Variants in CFAP65 observed in about 807,000 individuals in gnomAD.
The protein encoded by CFAP65 is cilia and flagella associated protein 65.
A neutral mutation model predicts 208.0 loss-of-function variants in CFAP65; 155 were observed. The observed-to-expected ratio is 0.75, with a 90% CI of 0.65 to 0.85. CFAP65 has a LOEUF of 0.85. CFAP65 is among the 40% of genes least tolerant of loss of function. The pLI is 0.00. For missense variants in CFAP65, 2,294 were observed against 2,451.3 expected (o/e 0.94, Z 1.36); for synonymous variants, 970 against 986.3 (o/e 0.98, Z 0.31).
intron 29 of CFAP65, among the ~76,000 whole-genome samples, chr2:219,008,389 A>G (rs1228622696): frequency 6.6e-6 from 1 of 152,170 alleles, no homozygotes; most frequent in Non-Finnish European, 1.5e-5. Context: ...TAACTCCAGG[A>G]ATGAAACCTG....
intron 4 of CFAP65, 127 bp from the exon 5 acceptor site, chr2:219,035,791 CG>C: frequency 6.9e-7 from 1 of 1,448,520 alleles, no homozygotes; most frequent in Non-Finnish European, 9.0e-7. Context: ...AGAAGAAAAA[CG>C]ATGATTGACA....
chr2:219,025,026 C>G (rs751883065), intron 14 of CFAP65, among the ~76,000 whole-genome samples: 7 of 152,202 alleles, frequency 4.6e-5, no homozygotes, highest in Non-Finnish European at 8.8e-5. Flanking sequence ...TCTCAGCTCC[C>G]AACACTCTTC....
At chr2:219,007,081 A>G (rs1390074962) in intron 29 of CFAP65, among the ~76,000 whole-genome samples, 1 of 152,074 alleles carries the variant, frequency 6.6e-6, no homozygotes, top group Non-Finnish European at 1.5e-5. Flanking sequence ...GAGATGAGAA[A>G]TCAGTCTCCC....
chr2:219,019,965 G>A (rs2106163734), intron 19 of CFAP65, among the ~76,000 whole-genome samples: 1 of 152,114 alleles, frequency 6.6e-6, no homozygotes, highest in East Asian at 1.9e-4. Context: ...CCGTGATTTG[G>A]TTTCAAACTA....
At chr2:219,021,754 C>T (rs1947277104) in intron 18 of CFAP65, 26 bp downstream of exon 18, 1 of 1,611,826 alleles carries the variant, frequency 6.2e-7, no homozygotes, top group Admixed American at 1.7e-5. Flanking sequence ...CTCCCCTGGC[C>T]CCAGTCCCAG....
At chr2:219,029,950 C>G in intron 10 of CFAP65, 36 bp downstream of exon 10, 1 of 1,589,756 alleles carries the variant, frequency 6.3e-7, no homozygotes, top group Non-Finnish European at 8.6e-7. Context: ...AGGGGCTGCT[C>G]CTGTCCCCAG....
rs1260756480 is a variant in CFAP65, at chr2:219,031,131, C to T, written c.990G>A (p.Arg330=). 1.3e-6 allele frequency: 2 copies of T among 1,598,528 alleles called. No individual in the cohort carries two copies. Among genetic ancestry groups the T allele is most frequent in the Non-Finnish European group, 1.7e-6 (2 of 1,172,700 alleles). The change falls in exon 8 of 35, where the codon AGG becomes AGA. Residue 330 remains arginine (R), a synonymous_variant. Transcript: ENST00000341552. The surrounding 1 kb of genome is among the most constrained non-coding windows in gnomAD (Gnocchi z 5.2). ...CCACAGCCTGCAGCTGGATGCTGCT[C>T]CTCTGCCGGCTGCCCGCCCCGTACC... ...TCWYGAGSRQ[R]SSIQLQAVAK... is the part of the protein sequence containing the mutation.
At position 219,041,508 on chromosome 2, in the gene CFAP65, T is replaced by C. The variant is rs1948655014; in HGVS notation, c.-69A>G. 1.3e-6 allele frequency: 2 copies of C among 1,550,506 alleles called. No homozygotes were observed. ...CTTACATCGCCTCCATATTGCCGTC[T>C]CCATAGATACAGGACGCGCAGGAAA... On this transcript the variant is annotated 5_prime_UTR_variant, in exon 1 of 35. Coordinates refer to ENST00000341552, the MANE Select transcript of CFAP65 (RefSeq NM_194302.4).
Position 219,009,962 on chromosome 2 carries a change from T to C in CFAP65, c.4432A>G (p.Ser1478Gly). The change falls in exon 27 of 35, where the codon AGT becomes GGT. Residue 1478 changes from serine (S) to glycine (G), a missense_variant. Coordinates refer to ENST00000341552, the MANE Select transcript of CFAP65 (RefSeq NM_194302.4). ...NEEIAFSWQPSPLDFGEVSVS... is the reference protein window; with the variant it reads ...NEEIAFSWQPGPLDFGEVSVS... ...CTCACCTCCCCAAAATCTAGAGGAC[T>C]TGGCTGCCAGGAGAAGGCAATTTCC... 1 of 1,611,752 alleles carries C rather than the reference T, an allele frequency of 6.2e-7. No homozygotes were observed. Among genetic ancestry groups the C allele is most frequent in the Non-Finnish European group, 8.5e-7 (1 of 1,179,210 alleles).
intron 4 of CFAP65, among the ~76,000 whole-genome samples, chr2:219,036,771 A>G (rs1443540441): frequency 6.6e-6 from 1 of 152,146 alleles, no homozygotes; most frequent in Non-Finnish European, 1.5e-5. Flanking sequence ...TTGACCAAGT[A>G]TTGCTTTTAT....
Position 219,024,159 on chromosome 2 carries a change from G to A in CFAP65, c.2451C>T (p.Gly817=), listed in dbSNP as rs1223043944. ...LLTFSLAPQR[G]SDVILRPTSG... The stretch of plus-strand genomic sequence containing the variant: ...AAGTGGGCCGAAGGATGACGTCTGA[G>A]CCTCTCTGGGGGGCCAGGCTGAAGG... Residue 817 remains glycine, a synonymous_variant, in exon 15 of 35, where the codon GGC becomes GGT. Coordinates refer to ENST00000341552, the MANE Select transcript of CFAP65 (RefSeq NM_194302.4). 16 of 1,613,916 alleles carry A rather than the reference G, an allele frequency of 9.9e-6. No individual in the cohort carries two copies. Among genetic ancestry groups the A allele is most frequent in the Admixed American group, 1.7e-5 (1 of 60,010 alleles).
chr2:219,006,313 T>C, intron 30 of CFAP65, 90 bp from the exon 31 acceptor site: 2 of 1,482,398 alleles, frequency 1.3e-6, no homozygotes, highest in Non-Finnish European at 9.3e-7. Context: ...CCCCACAGGC[T>C]CTTTGGGCCA....
At position 219,041,488 on chromosome 2, in the gene CFAP65, A is replaced by T. The variant is rs1321020056; in HGVS notation, c.-49T>A. On this transcript the variant is annotated splice_region_variant and 5_prime_UTR_variant, in exon 1 of 35. Coordinates refer to ENST00000341552, the MANE Select transcript of CFAP65 (RefSeq NM_194302.4). ...CTTGGGACTAACGCTCAGAACTTAC[A>T]TCGCCTCCATATTGCCGTCTCCATA... 6.4e-7 allele frequency: 1 copy of T among 1,550,522 alleles called. No homozygotes were observed. Among genetic ancestry groups the T allele is most frequent in the Admixed American group, 2.0e-5 (1 of 50,992 alleles).
intron 3 of CFAP65, 76 bp from the exon 4 acceptor site, chr2:219,038,654 C>T (rs1948504977): frequency 7.3e-7 from 1 of 1,362,164 alleles, no homozygotes; most frequent in African/African-American, 1.4e-5. Flanking sequence ...CTCTCATGGC[C>T]ATCCTTGTCA....
intron 32 of CFAP65, among the ~76,000 whole-genome samples, 165 bp downstream of exon 32, chr2:219,005,269 G>A (rs182609073): frequency 4.6e-5 from 7 of 152,078 alleles, no homozygotes; most frequent in African/African-American, 1.2e-4. Flanking sequence ...CAAGCCACCC[G>A]CCCACTGCTG....
chr2:219,024,472 GGGC>G (rs879925685), intron 14 of CFAP65, among the ~76,000 whole-genome samples: 10,345 of 124,592 alleles, frequency 0.083, 580 homozygotes, highest in East Asian at 0.13. Context: ...CTCCAGAAAG[GGGC>G]GGGGGGGGGG....
At chr2:219,016,645 G>A (rs527562413) in intron 21 of CFAP65, among the ~76,000 whole-genome samples, 3 of 151,994 alleles carry the variant, frequency 2.0e-5, no homozygotes, top group South Asian at 2.1e-4. Context: ...GCCCTCTAGC[G>A]TGGGCTTCTA....
intron 26 of CFAP65, 132 bp from the exon 27 acceptor site, chr2:219,010,217 C>T (rs1435940717): frequency 4.8e-6 from 4 of 833,690 alleles, no homozygotes; most frequent in East Asian, 5.5e-5. Context: ...CTGTGCCTGG[C>T]CCTTTTGACA....
chr2:219,003,217 T>C lies in CFAP65; in HGVS notation c.5611A>G (p.Ile1871Val). Residue 1871 changes from isoleucine (I) to valine (V), a missense_variant, in exon 34 of 35, where the codon ATC (isoleucine) becomes GTC (valine). Physicochemically the swap from Ile to Val is conservative, Grantham distance 29. Transcript: ENST00000341552. The surrounding 1 kb of genome is among the most constrained non-coding windows in gnomAD (Gnocchi z 4.4). ...EALLENMIQN[I>V]LVEASRGEVV... ...TCCCCGCGGCTCGCCTCCACCAGGA[T>C]GTTCTGGATCATGTTCTCCAGCAGC... The C allele has an allele frequency of 6.5e-7, 1 of 1,548,744 alleles. No individual in the cohort carries two copies.
Sources: allele counts gnomAD v4.1 joint callset (sites outside exome capture counted in the v4.1 genomes callset), GRCh38; gene constraint gnomAD v4.1.1; non-coding constraint Gnocchi (gnomAD v3.1); transcripts MANE v1.5; gene names NCBI Gene and HGNC (gene_info 2026-07-23, HGNC 2026-07-21).